The following ALDH3B1 variants were observed in gnomAD, a reference collection of about 807,000 sequenced individuals.
ALDH3B1 encodes aldehyde dehydrogenase 3 family member B1, also known as aldehyde dehydrogenase family 3 member B1.
In ALDH3B1, 37 loss-of-function variants were observed where a neutral mutation model predicts 46.2. The ratio of observed to expected loss-of-function variants is 0.80; its 90% confidence interval spans 0.62 to 1.05. The LOEUF is 1.05. Ranked by LOEUF, ALDH3B1 falls within the 50% of genes least tolerant of loss-of-function variation. The pLI is 0.00. For synonymous variants in ALDH3B1, 283 were observed against 281.0 expected (o/e 1.01, Z -0.07); for missense variants, 603 against 665.5 (o/e 0.91, Z 1.03).
intron 9 of ALDH3B1, 48 bp downstream of exon 9, chr11:68,026,156 A>G: frequency 1.3e-6 from 2 of 1,484,670 alleles, no homozygotes; most frequent in Non-Finnish European, 1.8e-6. Flanking sequence ...GTCAAATTGC[A>G]ATAGTGTTAC....
rs1857653436 is a variant in ALDH3B1, at chr11:68,027,408, G to T, written c.1217-341G>T. ...ATCCCCACCACAACCTTAGGAGGGA[G>T]GTACCCTTGTCACCCCACGACAGAG... On this transcript the variant is annotated intron_variant, in intron 9 of 9. Coordinates refer to ENST00000342456, the MANE Select transcript of ALDH3B1 (RefSeq NM_000694.4). 3.3e-5 allele frequency among the ~76,000 whole-genome samples: 5 copies of T among 152,176 alleles called. 1 individual carries two copies. The South Asian group carries it at 1.0e-3, about 31-fold the overall frequency.
chr11:68,019,002 C>T, intron 4 of ALDH3B1, 109 bp downstream of exon 4: 1 of 1,475,340 alleles, frequency 6.8e-7, no homozygotes, highest in South Asian at 1.3e-5. Flanking sequence ...GCAAAGAGGA[C>T]TGTCTGGTCC....
At chr11:68,027,104 C>A (rs551236350) in intron 9 of ALDH3B1, among the ~76,000 whole-genome samples, 1 of 152,268 alleles carries the variant, frequency 6.6e-6, no homozygotes, top group East Asian at 1.9e-4. Context: ...GCTGCTCCCA[C>A]AGCCTGAGCT....
At position 68,015,728 on chromosome 11, in the gene ALDH3B1, C is replaced by T. The variant is rs150000668; in HGVS notation, c.162+269C>T. On this transcript the variant is annotated intron_variant, in intron 2 of 9. Coordinates refer to ENST00000342456, the MANE Select transcript of ALDH3B1 (RefSeq NM_000694.4). ...GAATAAAACACAGTTCCCATGCCTA[C>T]GAAGATGACCTTCTATCGGAGACAA... The T allele has an allele frequency of 2.2e-4, 142 of 633,626 alleles. No individual in the cohort carries two copies. The East Asian group carries it at 2.7e-3, about 12-fold the overall frequency. 39.3% of individuals were successfully genotyped at this position (633,626 alleles called of 1,614,324 possible).
intron 8 of ALDH3B1, among the ~76,000 whole-genome samples, chr11:68,023,349 G>A (rs955553333): frequency 1.1e-4 from 17 of 148,540 alleles, no homozygotes; most frequent in Admixed American, 1.1e-3. Flanking sequence ...TGTCACCCAG[G>A]CTGGAGTGCA....
At chr11:68,010,082 TCTC>T (rs1253492433), upstream of ALDH3B1, among the ~76,000 whole-genome samples, 2 of 151,548 alleles carry the variant, frequency 1.3e-5, no homozygotes, top group Non-Finnish European at 1.5e-5. Context: ...CTGCACAGCC[TCTC>T]CTCCTCCTCC....
chr11:68,017,592 C>T (rs475325), intron 2 of ALDH3B1: 37,548 of 152,264 alleles, frequency 0.25, 4,832 homozygotes, highest in African/African-American at 0.28. Context: ...TCCCTTGGGG[C>T]GCAGAGGGCA....
chr11:68,013,895 G>A (rs527477220), intron 1 of ALDH3B1, among the ~76,000 whole-genome samples: 1 of 152,346 alleles, frequency 6.6e-6, no homozygotes, highest in East Asian at 1.9e-4. Flanking sequence ...GGAAGATGGT[G>A]GGTTCAGCCT....
At position 68,021,651 on chromosome 11, in the gene ALDH3B1, C is replaced by A. The variant is rs1177740095; in HGVS notation, c.729C>A (p.Thr243=). The change falls in exon 7 of 10, where the codon ACC becomes ACA. Residue 243 remains threonine, a synonymous_variant. Coordinates refer to ENST00000342456, the MANE Select transcript of ALDH3B1 (RefSeq NM_000694.4). ...TCCGCTACTTCAACGCCGGCCAGAC[C>A]TGCGTGGCCCCCGACTACGTCCTAT... is the stretch of plus-strand genomic sequence containing the variant. ...AWFRYFNAGQ[T]CVAPDYVLCS... 1 of 1,613,930 alleles carries A rather than the reference C, an allele frequency of 6.2e-7. No homozygotes were observed. The highest frequency in any genetic ancestry group is 8.5e-7 in the Non-Finnish European group (1 of 1,179,994).
chr11:68,022,832 G>C, intron 8 of ALDH3B1, 71 bp downstream of exon 8: 1 of 1,589,534 alleles, frequency 6.3e-7, no homozygotes, highest in Non-Finnish European at 8.6e-7. Context: ...CAGCAGGGGG[G>C]GCACCAAAAT....
chr11:68,018,735 T>G (rs1590775894), intron 3 of ALDH3B1, 38 bp from the exon 4 acceptor site: 1 of 1,549,622 alleles, frequency 6.5e-7, no homozygotes, highest in Non-Finnish European at 8.7e-7. Context: ...GGGGCCGGGG[T>G]GCTGAGCACT....
intron 8 of ALDH3B1, 150 bp downstream of exon 8, chr11:68,022,911 C>T (rs1857539715): frequency 1.6e-6 from 2 of 1,228,096 alleles, no homozygotes; most frequent in East Asian, 5.0e-5. Flanking sequence ...CTGGAAGCAG[C>T]TGAGCCTCAC....
At chr11:68,011,019 A>G (rs1192048592) in intron 1 of ALDH3B1, among the ~76,000 whole-genome samples, 2 of 152,192 alleles carry the variant, frequency 1.3e-5, no homozygotes, top group Non-Finnish European at 1.5e-5. Context: ...CCGAGCCACC[A>G]ATGAGGGGAT....
chr11:68,018,835 G>T lies in ALDH3B1; in HGVS notation c.336G>T (p.Ala112=), dbSNP rs775589342. 5.1e-6 allele frequency: 8 copies of T among 1,565,368 alleles called. No individual in the cohort carries two copies. The highest frequency in any genetic ancestry group is 1.9e-5 in the Admixed American group (1 of 52,730). Residue 112 remains alanine, a synonymous_variant, in exon 4 of 10, where the codon GCG becomes GCT. Coordinates refer to ENST00000342456, the MANE Select transcript of ALDH3B1 (RefSeq NM_000694.4). ...CCTTTGGCCTGGTCCTCATCATTGCGCCCTGGAACTATCCGCTGAACCTGA... is the reference window on the plus strand; with the variant it reads ...CCTTTGGCCTGGTCCTCATCATTGCTCCCTGGAACTATCCGCTGAACCTGA... ...KEPFGLVLII[A]PWNYPLNLTL...
At chr11:68,017,684 C>T (rs1007259221) in intron 2 of ALDH3B1, 2 of 152,234 alleles carry the variant, frequency 1.3e-5, no homozygotes, top group African/African-American at 4.8e-5. Flanking sequence ...CTGACAGTGG[C>T]CCTGGCCCCT....
chr11:68,022,358 C>T (rs537239276), intron 7 of ALDH3B1, among the ~76,000 whole-genome samples: 7 of 152,312 alleles, frequency 4.6e-5, no homozygotes, highest in South Asian at 4.1e-4. Flanking sequence ...AGACCAAGGT[C>T]GGGGGATTCT....
At chr11:68,014,056 G>A (rs1471221978) in intron 1 of ALDH3B1, among the ~76,000 whole-genome samples, 4 of 152,208 alleles carry the variant, frequency 2.6e-5, no homozygotes, top group African/African-American at 4.8e-5. Context: ...TGCGCTCACC[G>A]ATGCTGGGCC....
intron 8 of ALDH3B1, among the ~76,000 whole-genome samples, chr11:68,023,072 T>C (rs1398203539): frequency 6.6e-6 from 1 of 152,158 alleles, no homozygotes; most frequent in Non-Finnish European, 1.5e-5. Flanking sequence ...GGTGGCCACA[T>C]GACCCCTCAA....
intron 4 of ALDH3B1, 25 bp downstream of exon 4, chr11:68,018,918 G>A (rs572886601): frequency 3.4e-5 from 52 of 1,546,870 alleles, no homozygotes; most frequent in Admixed American, 7.9e-5. Flanking sequence ...TGCCCCTTCC[G>A]GTCACCCTTC....
Sources: allele counts gnomAD v4.1 joint callset (sites outside exome capture counted in the v4.1 genomes callset), GRCh38; gene constraint gnomAD v4.1.1; transcripts MANE v1.5; gene names NCBI Gene and HGNC (gene_info 2026-07-23, HGNC 2026-07-21).